Variants in CAST observed in about 807,000 individuals in gnomAD.
CAST encodes calpastatin.
A neutral mutation model predicts 119.6 loss-of-function variants in CAST; 76 were observed. The ratio of observed to expected loss-of-function variants is 0.64; its 90% confidence interval spans 0.53 to 0.77. The LOEUF is 0.77. Among genes scored for constraint, CAST ranks in the 30% least tolerant of loss-of-function variants. The pLI, the probability that CAST is intolerant of heterozygous loss-of-function variation, is 0.00. For missense variants in CAST, 953 were observed against 946.5 expected (o/e 1.01, Z -0.09); for synonymous variants, 319 against 331.6 (o/e 0.96, Z 0.41).
chr5:96,737,348 CAG>C (rs1476867765), intron 10 of CAST, among the ~76,000 whole-genome samples: 1 of 151,964 alleles, frequency 6.6e-6, no homozygotes, highest in Non-Finnish European at 1.5e-5. Flanking sequence ...TGAAATAATA[CAG>C]AGTGATTTCC....
At chr5:96,765,132 C>T (rs1769392831) in intron 25 of CAST, 89 bp from the exon 26 acceptor site, 1 of 754,038 alleles carries the variant, frequency 1.3e-6, no homozygotes, top group Non-Finnish European at 2.3e-6. Context: ...GAAACAGGTT[C>T]CCTCCTGAAA....
the CAST span, among the ~76,000 whole-genome samples, chr5:96,348,389 A>G: frequency 7.0e-6 from 1 of 143,116 alleles, no homozygotes; most frequent in African/African-American, 2.9e-5. Context: ...AGGGAGAGGG[A>G]GAGAGAGAGA....
chr5:96,649,682 T>C (rs1400499722), intron 1 of CAST, among the ~76,000 whole-genome samples: 3 of 152,238 alleles, frequency 2.0e-5, no homozygotes, highest in Non-Finnish European at 2.9e-5. Flanking sequence ...TTTGACCCAA[T>C]TGAGCAGTCT....
chr5:96,193,281 A>G, the CAST span, among the ~76,000 whole-genome samples: 1,115 of 152,238 alleles, frequency 7.3e-3, 19 homozygotes, highest in African/African-American at 0.026. Flanking sequence ...AAACTAATGT[A>G]TATTTACTAT....
the CAST span, among the ~76,000 whole-genome samples, chr5:96,510,775 C>T: frequency 3.9e-5 from 6 of 152,136 alleles, no homozygotes; most frequent in African/African-American, 4.8e-5. Context: ...TGCACACTGA[C>T]GTTTGTACGA....
At chr5:96,159,602 G>C in the CAST span, among the ~76,000 whole-genome samples, 1 of 152,028 alleles carries the variant, frequency 6.6e-6, no homozygotes, top group African/African-American at 2.4e-5. Context: ...ATATAATGCA[G>C]ATTTTTGTTT....
the CAST span, among the ~76,000 whole-genome samples, chr5:96,108,494 C>G: frequency 6.6e-6 from 1 of 152,208 alleles, no homozygotes; most frequent in African/African-American, 2.4e-5. Context: ...TGTGAGGTGT[C>G]AGTCTGCCCC....
intron 3 of CAST, among the ~76,000 whole-genome samples, chr5:96,704,426 AAAAG>A (rs761155948): frequency 4.8e-4 from 73 of 152,376 alleles, no homozygotes; most frequent in Non-Finnish European, 8.5e-4. Flanking sequence ...ACCAGAAAGA[AAAAG>A]AAAGCATTTT....
At chr5:96,326,419 G>T in the CAST span, among the ~76,000 whole-genome samples, 1 of 152,240 alleles carries the variant, frequency 6.6e-6, no homozygotes, top group South Asian at 2.1e-4. Flanking sequence ...TATATCCCAT[G>T]GCTTTGAATG....
intron 1 of CAST, among the ~76,000 whole-genome samples, chr5:96,535,383 A>C (rs575319998): frequency 3.3e-4 from 30 of 91,638 alleles, no homozygotes; most frequent in Non-Finnish European, 6.2e-4. Context: ...CAAAGATAAA[A>C]TGTAAAAAAT....
chr5:96,399,112 C>CT, the CAST span: 2 of 1,050,396 alleles, frequency 1.9e-6, no homozygotes, highest in Non-Finnish European at 2.9e-6. Context: ...CTGCATGCAT[C>CT]AATCTTGACT....
chr5:96,561,662 G>A (rs1217508399), intron 1 of CAST, among the ~76,000 whole-genome samples: 1 of 151,516 alleles, frequency 6.6e-6, no homozygotes, highest in Non-Finnish European at 1.5e-5. Flanking sequence ...GTATACATAT[G>A]TAACAAAACT....
chr5:96,459,438 T>G, the CAST span, among the ~76,000 whole-genome samples: 1 of 152,144 alleles, frequency 6.6e-6, no homozygotes, highest in Non-Finnish European at 1.5e-5. Context: ...GAATAAAGCC[T>G]GAGATCCTCC....
intron 1 of CAST, chr5:96,662,993 A>G (rs1748771151): frequency 1.6e-6 from 1 of 644,536 alleles, no homozygotes; most frequent in Non-Finnish European, 2.8e-6. Flanking sequence ...GGTTCTGCCC[A>G]CCTGGCAGCC....
chr5:96,124,036 G>A, the CAST span, among the ~76,000 whole-genome samples: 2 of 152,096 alleles, frequency 1.3e-5, no homozygotes, highest in African/African-American at 4.8e-5. Flanking sequence ...ATTGACTGAT[G>A]TTTCAGATTT....
At chr5:96,667,932 G>A (rs1422056148) in intron 1 of CAST, among the ~76,000 whole-genome samples, 2 of 152,148 alleles carry the variant, frequency 1.3e-5, no homozygotes, top group East Asian at 1.9e-4. Flanking sequence ...GGAGAATGGC[G>A]TGAACCCGCG....
At chr5:96,288,408 C>G in the CAST span, among the ~76,000 whole-genome samples, 1 of 152,068 alleles carries the variant, frequency 6.6e-6, no homozygotes, top group Non-Finnish European at 1.5e-5. Flanking sequence ...ATTATGACTA[C>G]CACTTAAAAA....
chr5:95,979,993 C>G, the CAST span, among the ~76,000 whole-genome samples: 1 of 152,006 alleles, frequency 6.6e-6, no homozygotes, highest in African/African-American at 2.4e-5. Flanking sequence ...TGGTGGGCAC[C>G]TGTAATCCCA....
At chr5:96,315,232 T>C in the CAST span, among the ~76,000 whole-genome samples, 1 of 152,236 alleles carries the variant, frequency 6.6e-6, no homozygotes, top group Non-Finnish European at 1.5e-5. Flanking sequence ...TATAAGTATG[T>C]CCCATGCAAT....
Sources: gnomAD v4.1 joint callset for allele counts (sites outside exome capture counted in the v4.1 genomes callset) on GRCh38, gnomAD v4.1.1 for gene constraint, MANE v1.5 for transcripts, NCBI Gene and HGNC (gene_info 2026-07-23, HGNC 2026-07-21) for gene names.